Variants in SEC23A observed in about 807,000 individuals in gnomAD.
SEC23A encodes the protein SEC23 homolog A, COPII component.
SEC23A carries 56 observed loss-of-function variants against 103.7 expected under a neutral mutation model. The observed-to-expected ratio is 0.54, with a 90% confidence interval of 0.44 to 0.67. The LOEUF (loss-of-function observed/expected upper bound fraction) is 0.67, where lower values mean the gene tolerates loss of function less well. SEC23A is among the 30% of genes least tolerant of loss of function. The pLI is 0.00. For synonymous variants in SEC23A, 281 were observed against 293.0 expected, an observed-to-expected ratio of 0.96 and a Z score of 0.42; for missense variants, 784 against 936.4, an observed-to-expected ratio of 0.84 and a Z score of 2.12.
chr14:39,091,286 T>C (rs1276403626), intron 5 of SEC23A, 191 bp downstream of exon 5: 1 of 600,040 alleles, frequency 1.7e-6, no homozygotes, highest in Admixed American at 3.0e-5. Context: ...GTGAAGGGTG[T>C]TTAATCTGTA....
At position 39,056,782 on chromosome 14, in the gene SEC23A, T is replaced by A. The variant is rs1042259636; in HGVS notation, c.1506-1486A>T. On this transcript the variant is annotated intron_variant, in intron 13 of 19. Coordinates refer to ENST00000307712, the MANE Select transcript of SEC23A (RefSeq NM_006364.4). Reference sequence around the variant, plus strand: ...AGGCTCAAATTAGCATTTTTTTAAATCACTAATAGCAGTTTTAGTATAGCA... The same window carrying A: ...AGGCTCAAATTAGCATTTTTTTAAAACACTAATAGCAGTTTTAGTATAGCA... Among the ~76,000 whole-genome samples, 16 of 152,248 alleles carry A rather than the reference T, an allele frequency of 1.1e-4. 1 individual carries two copies. Among genetic ancestry groups the A allele is most frequent in the South Asian group, 1.0e-3 (5 of 4,830 alleles).
chr14:39,090,009 TATTC>T (rs1887601206), intron 5 of SEC23A, among the ~76,000 whole-genome samples: 1 of 152,200 alleles, frequency 6.6e-6, no homozygotes, highest in Non-Finnish European at 1.5e-5. Context: ...TCTTATTCAC[TATTC>T]ATTGACTAAC....
At chr14:39,102,690 G>T (rs1888152510) in intron 1 of SEC23A, among the ~76,000 whole-genome samples, 1 of 151,686 alleles carries the variant, frequency 6.6e-6, no homozygotes, top group South Asian at 2.1e-4. Context: ...GGCAAGGAAT[G>T]AAACAGTAAG....
chr14:39,069,431 T>A (rs188073709), intron 9 of SEC23A, among the ~76,000 whole-genome samples: 17 of 152,274 alleles, frequency 1.1e-4, no homozygotes, highest in Non-Finnish European at 1.9e-4. Context: ...TTCTCCTTGC[T>A]ATTTCTCAAC....
At chr14:39,067,362 A>G (rs1009800519) in intron 9 of SEC23A, 66 bp from the exon 10 acceptor site, 12 of 1,575,762 alleles carry the variant, frequency 7.6e-6, no homozygotes, top group African/African-American at 6.8e-5. Flanking sequence ...TTAAAATCGT[A>G]GAAGAAAATT....
At chr14:39,087,915 T>C (rs1257693365) in intron 5 of SEC23A, 7 of 152,166 alleles carry the variant, frequency 4.6e-5, no homozygotes, top group African/African-American at 1.7e-4. Flanking sequence ...AAATGAAAAT[T>C]GACAATCAGA....
At chr14:39,090,272 G>T (rs1275812237) in intron 5 of SEC23A, among the ~76,000 whole-genome samples, 1 of 152,030 alleles carries the variant, frequency 6.6e-6, no homozygotes, top group African/African-American at 2.4e-5. Context: ...AGTTGCACCA[G>T]AATTACTTAG....
At chr14:39,065,997 C>CAAAAAAAAAAAACAAAAAAA (rs1886649240) in intron 10 of SEC23A, among the ~76,000 whole-genome samples, 1 of 80,556 alleles carries the variant, frequency 1.2e-5, no homozygotes, top group Non-Finnish European at 2.3e-5. Context: ...AACTCCATCT[C>CAAAAAAAAAAAACAAAAAAA]AAAAAAAAAA....
chr14:39,045,090 T>G lies in SEC23A; in HGVS notation c.1899+73A>C, dbSNP rs536600363. 2.1e-4 allele frequency: 275 copies of G among 1,286,586 alleles called. No individual in the cohort carries two copies. The African/African-American group carries it at 3.7e-3, about 17-fold the overall frequency. The allele number at this position is 1,286,586 out of a possible 1,614,324, so 79.7% of individuals were successfully genotyped here. A position where few individuals can be genotyped will look rare whatever the true frequency, so the allele number is the denominator to read the frequency against. On this transcript the variant is annotated intron_variant, in intron 16 of 19. Coordinates refer to ENST00000307712, the MANE Select transcript of SEC23A (RefSeq NM_006364.4). ...ATATTTAGTAACTATATGCATTTTT[T>G]TAGTTATTTTCACTTTTTTAATGCC...
In SEC23A at chr14:39,055,023, G is replaced by C. The variant is rs1886193357; in HGVS notation, c.1659+120C>G. ...GCTACTGTCTCAGTAATTTGAATAG[G>C]AGTTTCTCATACAGTATTTCAGATA... On this transcript the variant is annotated intron_variant, in intron 14 of 19. Coordinates refer to ENST00000307712, the MANE Select transcript of SEC23A (RefSeq NM_006364.4). 6.3e-6 allele frequency: 7 copies of C among 1,112,016 alleles called. No individual in the cohort carries two copies. In the Admixed American group the frequency reaches 9.2e-5, roughly 15 times the overall value. 68.9% of individuals were successfully genotyped at this position (1,112,016 alleles called of 1,614,324 possible).
chr14:39,092,570 G>T lies in SEC23A; in HGVS notation c.337C>A (p.Gln113Lys). Residue 113 changes from glutamine (Q) to lysine (K), a missense_variant, in exon 4 of 20, where the codon CAG (glutamine) becomes AAG (lysine). Gln to Lys is a moderately conservative substitution (Grantham distance 53, BLOSUM62 1). Transcript: ENST00000307712. ...ACTACATATTCAATGCTAGAAAACTGAGGTAAAAGTTCAGCAGGCTGATTC... is the reference window on the plus strand; with the variant it reads ...ACTACATATTCAATGCTAGAAAACTTAGGTAAAAGTTCAGCAGGCTGATTC... ...ELNQPAELLP[Q>K]FSSIEYVVLR... The T allele has an allele frequency of 6.2e-7, 1 of 1,610,498 alleles. No homozygotes were observed. The highest frequency in any genetic ancestry group is 8.5e-7 in the Non-Finnish European group (1 of 1,177,406).
intron 7 of SEC23A, among the ~76,000 whole-genome samples, chr14:39,085,301 T>C (rs1210875479): frequency 6.6e-6 from 1 of 152,222 alleles, no homozygotes; most frequent in Non-Finnish European, 1.5e-5. Flanking sequence ...TGTTCATCTA[T>C]AGTCTTCGTA....
intron 7 of SEC23A, among the ~76,000 whole-genome samples, chr14:39,083,121 G>T (rs561367719): frequency 6.0e-4 from 92 of 152,204 alleles, no homozygotes; most frequent in African/African-American, 2.2e-3. Context: ...AGTTTCAAGG[G>T]GTTGGGACTA....
chr14:39,049,476 CAA>C (rs879466662), intron 14 of SEC23A, among the ~76,000 whole-genome samples: 3 of 112,632 alleles, frequency 2.7e-5, no homozygotes, highest in African/African-American at 3.0e-5. Context: ...ACTCTGTCTC[CAA>C]AAAAAAAAAA....
chr14:39,057,749 T>A (rs1247515398), intron 13 of SEC23A, among the ~76,000 whole-genome samples: 1 of 152,232 alleles, frequency 6.6e-6, no homozygotes, highest in Non-Finnish European at 1.5e-5. Context: ...TATCCAACTT[T>A]AAAATTTCAT....
At chr14:39,049,342 G>T (rs1885962002) in intron 14 of SEC23A, among the ~76,000 whole-genome samples, 1 of 151,620 alleles carries the variant, frequency 6.6e-6, no homozygotes, top group Non-Finnish European at 1.5e-5. Flanking sequence ...CAGGCATGGT[G>T]GTGCGCGCCT....
chr14:39,046,088 C>T (rs951081261), intron 15 of SEC23A, among the ~76,000 whole-genome samples: 3 of 152,164 alleles, frequency 2.0e-5, no homozygotes, highest in African/African-American at 7.2e-5. Context: ...TGCTCTCTTG[C>T]CTGCTGCCAC....
chr14:39,086,736 ATTG>A (rs1373968480), intron 6 of SEC23A, among the ~76,000 whole-genome samples, 190 bp downstream of exon 6: 6 of 152,264 alleles, frequency 3.9e-5, no homozygotes, highest in Non-Finnish European at 8.8e-5. Flanking sequence ...AACTCCTTAC[ATTG>A]TTAAGACAAA....
intron 10 of SEC23A, 75 bp from the exon 11 acceptor site, chr14:39,065,068 T>G (rs1886612624): frequency 1.1e-6 from 1 of 912,810 alleles, no homozygotes. Context: ...TGTATAAGAA[T>G]ATAAGATATT....
Sources: allele counts gnomAD v4.1 joint callset (sites outside exome capture counted in the v4.1 genomes callset), GRCh38; gene constraint gnomAD v4.1.1; transcripts MANE v1.5; gene names NCBI Gene and HGNC (gene_info 2026-07-23, HGNC 2026-07-21).